Variants in FRMPD4 observed in about 807,000 individuals in gnomAD.
FRMPD4 encodes the protein FERM and PDZ domain containing 4.
Under a neutral mutation model 94.1 loss-of-function variants are expected in FRMPD4, and 22 were observed. That is an observed-to-expected ratio of 0.23 (90% confidence interval 0.17 to 0.33). FRMPD4 has a LOEUF of 0.33. Among genes scored for constraint, FRMPD4 ranks in the 10% least tolerant of loss-of-function variants. FRMPD4 has a pLI of 1.00. For synonymous variants in FRMPD4, 631 were observed against 548.6 expected, an observed-to-expected ratio of 1.15 and a Z score of -2.10; for missense variants, 1,111 against 1,339.9, an observed-to-expected ratio of 0.83 and a Z score of 2.67.
intron 9 of FRMPD4, among the ~76,000 whole-genome samples, chrX:12,700,787 C>T (rs1328717599): frequency 3.6e-5 from 4 of 112,288 alleles, no homozygotes; most frequent in African/African-American, 9.7e-5. Flanking sequence ...GTATGAATCC[C>T]GTTTGCACAG....
chrX:12,381,721 C>T (rs921650218), intron 1 of FRMPD4, among the ~76,000 whole-genome samples: 2 of 111,727 alleles, frequency 1.8e-5, no homozygotes, highest in African/African-American at 6.5e-5. Context: ...ACTGCTGACA[C>T]GATAATCCAG....
intron 2 of FRMPD4, among the ~76,000 whole-genome samples, chrX:12,554,038 T>G (rs1482632807): frequency 3.9e-5 from 4 of 103,683 alleles, no homozygotes; most frequent in Non-Finnish European, 7.9e-5. Flanking sequence ...CTTGCTGCAA[T>G]GTACCCATTT....
intron 1 of FRMPD4, among the ~76,000 whole-genome samples, chrX:12,393,306 T>G (rs1356705637): frequency 8.9e-6 from 1 of 112,480 alleles, no homozygotes; most frequent in Non-Finnish European, 1.9e-5. Flanking sequence ...TTTCTGTTAC[T>G]TCAGGGAGAA....
chrX:12,628,396 A>G (rs929843114), intron 4 of FRMPD4, among the ~76,000 whole-genome samples: 1 of 111,249 alleles, frequency 9.0e-6, no homozygotes, highest in Non-Finnish European at 1.9e-5. Context: ...TCTGTCTTTG[A>G]CTACTCACCT....
At chrX:12,102,109 C>A (rs1469702442) in intron 3 of FRMPD4, among the ~76,000 whole-genome samples, 1 of 112,203 alleles carries the variant, frequency 8.9e-6, no homozygotes, top group Admixed American at 9.4e-5. Context: ...CCACAATGCT[C>A]CAAAATGAAC....
intron 1 of FRMPD4, among the ~76,000 whole-genome samples, chrX:12,222,488 C>T (rs980030): frequency 9.0e-6 from 1 of 111,266 alleles, no homozygotes; most frequent in Non-Finnish European, 1.9e-5. Flanking sequence ...ATTTTGACAT[C>T]GTTTTTGAGA....
At chrX:12,001,685 T>C (rs2054525274) in intron 3 of FRMPD4, among the ~76,000 whole-genome samples, 1 of 111,787 alleles carries the variant, frequency 8.9e-6, no homozygotes, top group African/African-American at 3.3e-5. Context: ...ATTTTCAATT[T>C]TGAATTTTTC....
chrX:12,056,834 G>C (rs956345085), intron 3 of FRMPD4, among the ~76,000 whole-genome samples: 3 of 111,589 alleles, frequency 2.7e-5, no homozygotes, highest in Non-Finnish European at 3.8e-5. Context: ...TGTATTGATA[G>C]GTATATGGGG....
chrX:12,139,558 G>GGC (rs2055661280), intron 1 of FRMPD4, among the ~76,000 whole-genome samples: 1 of 107,928 alleles, frequency 9.3e-6, no homozygotes, highest in African/African-American at 3.4e-5. Context: ...TTTTGGGGGG[G>GGC]GGGTAACTAT....
At chrX:12,197,174 C>A (rs892284570) in intron 1 of FRMPD4, among the ~76,000 whole-genome samples, 2 of 110,546 alleles carry the variant, frequency 1.8e-5, no homozygotes, top group Non-Finnish European at 3.8e-5. Flanking sequence ...ATAACTTTGC[C>A]GAGATAGGCC....
intron 7 of FRMPD4, among the ~76,000 whole-genome samples, chrX:12,686,968 A>G (rs1340700525): frequency 8.9e-6 from 1 of 112,204 alleles, no homozygotes; most frequent in Non-Finnish European, 1.9e-5. Flanking sequence ...ACAGTAAAAA[A>G]GATTTTATGA....
intron 3 of FRMPD4, among the ~76,000 whole-genome samples, chrX:11,969,218 G>A (rs979527051): frequency 1.8e-5 from 2 of 112,538 alleles, no homozygotes; most frequent in African/African-American, 6.5e-5. Context: ...TAACAGGACT[G>A]CTAGGAGGAG....
At chrX:11,869,535 C>T (rs991196905) in intron 2 of FRMPD4, among the ~76,000 whole-genome samples, 3 of 112,014 alleles carry the variant, frequency 2.7e-5, no homozygotes, top group African/African-American at 9.7e-5. Context: ...ACATTATATA[C>T]ATATATCACA....
chrX:12,271,864 A>G (rs1242515363), intron 1 of FRMPD4, among the ~76,000 whole-genome samples: 2 of 112,127 alleles, frequency 1.8e-5, no homozygotes, highest in Non-Finnish European at 3.8e-5. Flanking sequence ...CTCATGCATT[A>G]GGTCTGCAGT....
chrX:12,445,522 C>A (rs2057184722), intron 1 of FRMPD4, among the ~76,000 whole-genome samples: 1 of 112,719 alleles, frequency 8.9e-6, no homozygotes, highest in Admixed American at 9.4e-5. Context: ...ATAAGACACT[C>A]TTCTAGCACC....
At chrX:12,493,048 A>G (rs1049935447) in intron 1 of FRMPD4, among the ~76,000 whole-genome samples, 5 of 111,276 alleles carry the variant, frequency 4.5e-5, no homozygotes, top group African/African-American at 9.8e-5. Context: ...ACTAACCCCA[A>G]TGTGACATAT....
chrX:12,201,129 C>G (rs1293232046), intron 1 of FRMPD4, among the ~76,000 whole-genome samples: 1 of 112,309 alleles, frequency 8.9e-6, no homozygotes, highest in Non-Finnish European at 1.9e-5. Context: ...TCTTAAATCA[C>G]ATATTTCCCT....
intron 3 of FRMPD4, among the ~76,000 whole-genome samples, chrX:12,009,943 A>G (rs773584888): frequency 2.7e-5 from 3 of 112,167 alleles, no homozygotes; most frequent in Non-Finnish European, 5.6e-5. Flanking sequence ...GTTTTAAATG[A>G]CTGGTTCTCA....
At chrX:12,132,418 G>A (rs1261130965) in intron 3 of FRMPD4, among the ~76,000 whole-genome samples, 1 of 111,081 alleles carries the variant, frequency 9.0e-6, no homozygotes, top group Non-Finnish European at 1.9e-5. Flanking sequence ...TGAGTGGGTG[G>A]TCTGGAGTTG....
Sources: gnomAD v4.1 joint callset for allele counts (sites outside exome capture counted in the v4.1 genomes callset) on GRCh38, gnomAD v4.1.1 for gene constraint, MANE v1.5 for transcripts, NCBI Gene and HGNC (gene_info 2026-07-23, HGNC 2026-07-21) for gene names.